Variants in PSD3 observed in about 807,000 individuals in gnomAD.
PSD3 encodes the protein PH and SEC7 domain-containing protein 3.
In PSD3, 49 loss-of-function variants were observed where a neutral mutation model predicts 105.5. The ratio of observed to expected loss-of-function variants is 0.46; its 90% confidence interval spans 0.37 to 0.59. The LOEUF is 0.59. PSD3 is among the 20% of genes least tolerant of loss of function. The probability of loss-of-function intolerance (pLI) is 0.00; values close to 1 mark genes in which losing one functional copy is unlikely to be tolerated. For missense variants in PSD3, 1,561 were observed against 1,263.8 expected, an observed-to-expected ratio of 1.24 and a Z score of -3.57; for synonymous variants, 557 against 457.8, an observed-to-expected ratio of 1.22 and a Z score of -2.77.
chr8:18,865,362 A>G (rs1422280657), intron 4 of PSD3: 1 of 144,846 alleles, frequency 6.9e-6, no homozygotes, highest in Admixed American at 7.0e-5. Flanking sequence ...TCTCTAACCC[A>G]CAATAGTAAC....
chr8:18,906,759 A>G (rs1819877213), intron 2 of PSD3, among the ~76,000 whole-genome samples: 1 of 152,238 alleles, frequency 6.6e-6, no homozygotes, highest in South Asian at 2.1e-4. Flanking sequence ...AAAAACAAAT[A>G]CAGTCATGCA....
chr8:18,638,402 C>T (rs536674967), intron 10 of PSD3, among the ~76,000 whole-genome samples: 2 of 151,458 alleles, frequency 1.3e-5, no homozygotes, highest in East Asian at 1.9e-4. Flanking sequence ...AAAACTACCC[C>T]TCCCTGACAA....
intron 4 of PSD3, among the ~76,000 whole-genome samples, chr8:18,836,098 G>C (rs1344605663): frequency 6.6e-6 from 1 of 152,186 alleles, no homozygotes; most frequent in Non-Finnish European, 1.5e-5. Flanking sequence ...TGACCAAATT[G>C]CTGACATGCT....
At chr8:18,921,071 T>A (rs756779695) in intron 2 of PSD3, among the ~76,000 whole-genome samples, 14 of 152,244 alleles carry the variant, frequency 9.2e-5, no homozygotes, top group East Asian at 1.9e-4. Context: ...TTCACAGATA[T>A]GAGAAACCTT....
chr8:19,043,802 C>G (rs1456665545), intron 1 of PSD3, among the ~76,000 whole-genome samples: 1 of 152,210 alleles, frequency 6.6e-6, no homozygotes, highest in Non-Finnish European at 1.5e-5. Flanking sequence ...TGGTCTTGGA[C>G]TTCCCAGCCT....
At chr8:18,590,889 A>G (rs750211812) in intron 12 of PSD3, among the ~76,000 whole-genome samples, 19 of 152,202 alleles carry the variant, frequency 1.2e-4, no homozygotes, top group Admixed American at 6.5e-4. Context: ...AAAACTTTTA[A>G]TAAGAAACTG....
At chr8:18,948,532 C>A (rs1049373357) in intron 1 of PSD3, among the ~76,000 whole-genome samples, 1 of 152,144 alleles carries the variant, frequency 6.6e-6, no homozygotes, top group Non-Finnish European at 1.5e-5. Flanking sequence ...GTACTGAGAA[C>A]AATCAAAACA....
intron 8 of PSD3, among the ~76,000 whole-genome samples, chr8:18,767,343 C>T (rs1807084859): frequency 6.6e-6 from 1 of 152,152 alleles, no homozygotes; most frequent in Non-Finnish European, 1.5e-5. Context: ...GTATAGACAG[C>T]AAGATACATC....
chr8:18,559,659 A>T (rs1801277665), intron 14 of PSD3, among the ~76,000 whole-genome samples: 1 of 152,304 alleles, frequency 6.6e-6, no homozygotes. Context: ...GATCTATGCA[A>T]ATATGCTTTC....
chr8:18,806,259 C>T (rs1811188249), intron 4 of PSD3, among the ~76,000 whole-genome samples: 1 of 152,048 alleles, frequency 6.6e-6, no homozygotes, highest in Non-Finnish European at 1.5e-5. Context: ...GTTTTTGCAC[C>T]ATAAGATATC....
At chr8:18,941,914 C>A (rs988972693) in intron 1 of PSD3, among the ~76,000 whole-genome samples, 1 of 152,036 alleles carries the variant, frequency 6.6e-6, no homozygotes, top group African/African-American at 2.4e-5. Flanking sequence ...CTCAGGTGAT[C>A]CGCCCGCCTC....
chr8:18,872,776 A>G, intron 2 of PSD3, 43 bp from the exon 3 acceptor site: 1 of 1,489,198 alleles, frequency 6.7e-7, no homozygotes, highest in African/African-American at 1.4e-5. Flanking sequence ...TTGTAGAAAG[A>G]CAGGGCCCAG....
chr8:19,058,957 C>A lies in PSD3; in HGVS notation c.324+25249G>T, dbSNP rs374501175. ...CCCATAGCTGGCCCTCGCGTTCACT[C>A]TTCAAAGCAGAGCTACCCAACCTGA... On this transcript the variant is annotated intron_variant, in intron 1 of 1. Coordinates refer to the PSD3 transcript ENST00000521475. Among the ~76,000 whole-genome samples, 11 of 152,332 alleles carry A rather than the reference C, an allele frequency of 7.2e-5. No homozygotes were observed. In the East Asian group the frequency reaches 7.7e-4, roughly 11 times the overall value.
chr8:18,934,419 C>A (rs1563437215), intron 2 of PSD3, among the ~76,000 whole-genome samples: 2 of 151,178 alleles, frequency 1.3e-5, no homozygotes, highest in African/African-American at 4.9e-5. Flanking sequence ...CTCTAAGATC[C>A]TTTTTTTTTG....
intron 1 of PSD3, among the ~76,000 whole-genome samples, chr8:19,040,810 T>C (rs955539775): frequency 1.3e-5 from 2 of 152,232 alleles, no homozygotes; most frequent in African/African-American, 2.4e-5. Context: ...ATGTTGTCCA[T>C]GAGTTGTTCT....
At position 18,866,133 on chromosome 8, in the gene PSD3, G is replaced by A. The variant is rs375079001; in HGVS notation, c.1634+1541C>T. 5.5e-4 allele frequency among the ~76,000 whole-genome samples: 84 copies of A among 152,254 alleles called. No homozygotes were observed. The South Asian group carries it at 0.017, about 30-fold the overall frequency. ...TCCACTCACCCTAGAAAACTGAGTG[G>A]GAATTTCAGTGCAATTATCTGCATA... On this transcript the variant is annotated intron_variant, in intron 4 of 15. Transcript: ENST00000327040.
chr8:18,609,560 A>C (rs938684351), intron 11 of PSD3, among the ~76,000 whole-genome samples: 1 of 152,222 alleles, frequency 6.6e-6, no homozygotes, highest in African/African-American at 2.4e-5. Context: ...GAACTAAACA[A>C]CTTAAAGTAT....
At chr8:18,552,429 AAAACATTAGGGCC>A (rs1157904664) in intron 15 of PSD3, among the ~76,000 whole-genome samples, 23 of 152,350 alleles carry the variant, frequency 1.5e-4, no homozygotes, top group Admixed American at 1.4e-3. Flanking sequence ...ACATAAAACC[AAAACATTAGGGCC>A]AACTGCATTG....
At chr8:18,934,735 C>A (rs1366215104) in intron 2 of PSD3, among the ~76,000 whole-genome samples, 4 of 152,170 alleles carry the variant, frequency 2.6e-5, no homozygotes, top group African/African-American at 4.8e-5. Flanking sequence ...CAAGGTCACA[C>A]AGTTTATAAG....
Sources: allele counts gnomAD v4.1 joint callset (sites outside exome capture counted in the v4.1 genomes callset), GRCh38; gene constraint gnomAD v4.1.1; transcripts MANE v1.5; gene names NCBI Gene and HGNC (gene_info 2026-07-23, HGNC 2026-07-21).